IPO5: variants seen among roughly 807,000 people sequenced by gnomAD.
IPO5 encodes the protein importin 5, also known as importin-5.
IPO5 carries 18 observed loss-of-function variants against 143.3 expected under a neutral mutation model. That is an observed-to-expected ratio of 0.13 (90% CI 0.09 to 0.19). The LOEUF (loss-of-function observed/expected upper bound fraction) is 0.19, where lower values mean the gene tolerates loss of function less well. Among genes scored for constraint, IPO5 ranks in the 10% least tolerant of loss-of-function variants. The pLI is 1.00. For missense variants in IPO5, 1,013 were observed against 1,336.9 expected (o/e 0.76, Z 3.78); for synonymous variants, 477 against 465.7 (o/e 1.02, Z -0.31).
Position 98,012,809 on chromosome 13 carries a change from T to TTTTTTTTTTTTTG in IPO5, c.2152+479_2152+480insGTTTTTTTTTTTT, listed in dbSNP as rs1555311429. On this transcript the variant is annotated intron_variant, in intron 21 of 28. Coordinates refer to ENST00000651721, the MANE Select transcript of IPO5 (RefSeq NM_002271.6). Reference sequence around the variant, plus strand: ...AAGCCCAGCTAGATTTGATTTTTTTTTTTTTTTTTTTTTTTTTTAAGAGAT... The same window carrying TTTTTTTTTTTTTG: ...AAGCCCAGCTAGATTTGATTTTTTTTTTTTTTTTTTTTGTTTTTTTTTTTTTTTTTTAAGAGAT... Among the ~76,000 whole-genome samples the TTTTTTTTTTTTTG allele has an allele frequency of 6.5e-4, 96 of 146,676 alleles. 2 individuals are homozygous for TTTTTTTTTTTTTG. In the East Asian group the frequency reaches 0.014, roughly 21 times the overall value.
chr13:98,001,402 C>T (rs1261217940), intron 13 of IPO5, among the ~76,000 whole-genome samples: 2 of 152,054 alleles, frequency 1.3e-5, no homozygotes, highest in Admixed American at 6.6e-5. Flanking sequence ...CTCAGCTCAC[C>T]GCAGCCTCCA....
intron 11 of IPO5, 109 bp from the exon 12 acceptor site, chr13:97,997,411 ATAATTGTTTTG>A: frequency 2.1e-6 from 1 of 477,998 alleles, no homozygotes; most frequent in Non-Finnish European, 3.7e-6. Flanking sequence ...GCACAGACAA[ATAATTGTTTTG>A]TCTTGTTCTC....
At chr13:97,961,526 A>G (rs981524346) in intron 2 of IPO5, among the ~76,000 whole-genome samples, 11 of 152,192 alleles carry the variant, frequency 7.2e-5, no homozygotes, top group African/African-American at 2.7e-4. Flanking sequence ...ATTGGCTGTA[A>G]CATTTTATGT....
intron 11 of IPO5, among the ~76,000 whole-genome samples, chr13:97,995,592 A>G (rs1888208779): frequency 1.3e-5 from 2 of 151,598 alleles, no homozygotes; most frequent in South Asian, 4.2e-4. Flanking sequence ...CGTCCCTACT[A>G]AAAAATGCAA....
intron 9 of IPO5, among the ~76,000 whole-genome samples, chr13:97,991,034 T>G (rs143121870): frequency 3.5e-4 from 54 of 152,274 alleles, no homozygotes; most frequent in African/African-American, 1.1e-3. Flanking sequence ...TCAGGGCAAC[T>G]TGAATCTATG....
At chr13:98,001,948 T>G (rs1391310500) in intron 13 of IPO5, 1 of 150,996 alleles carries the variant, frequency 6.6e-6, no homozygotes, top group African/African-American at 2.4e-5. Flanking sequence ...AGTCACGCAC[T>G]TTTTCTGTTC....
chr13:97,974,923 G>A (rs1184142491), intron 3 of IPO5, among the ~76,000 whole-genome samples: 3 of 152,090 alleles, frequency 2.0e-5, no homozygotes, highest in Non-Finnish European at 4.4e-5. Context: ...AAAAATCTTG[G>A]CTGGCCATCC....
rs774635377 is a variant in IPO5, at chr13:98,022,559, T to C, written c.*737T>C. The C allele has an allele frequency of 6.6e-6, 1 of 152,366 alleles. No individual in the cohort carries two copies. The highest frequency in any genetic ancestry group is 2.4e-5 in the African/African-American group (1 of 41,458). 9.4% of individuals were successfully genotyped at this position (152,366 alleles called of 1,614,324 possible). On this transcript the variant is annotated 3_prime_UTR_variant, in exon 29 of 29. Transcript: ENST00000651721. ...TTTTAATATAAGAATGATCTAATAT[T>C]TTTTTAAAGTAATAGCTATCAGTAA...
intron 5 of IPO5, among the ~76,000 whole-genome samples, chr13:97,983,805 T>A (rs1887067698): frequency 6.6e-6 from 1 of 151,978 alleles, no homozygotes; most frequent in South Asian, 2.1e-4. Flanking sequence ...CAGTTTAGAC[T>A]AGCAACTTCA....
chr13:97,999,542 G>A (rs1387239306), intron 12 of IPO5, among the ~76,000 whole-genome samples: 4 of 152,148 alleles, frequency 2.6e-5, no homozygotes, highest in Non-Finnish European at 5.9e-5. Flanking sequence ...TTTTCAGGGT[G>A]AGATTTTTTT....
At chr13:98,014,314 G>T in intron 22 of IPO5, 100 bp downstream of exon 22, 1 of 853,572 alleles carries the variant, frequency 1.2e-6, no homozygotes, top group Non-Finnish European at 1.8e-6. Flanking sequence ...GTATTGCTCT[G>T]TCACCCAGGC....
chr13:98,010,642 A>G (rs1007232615), intron 20 of IPO5, among the ~76,000 whole-genome samples: 6 of 152,124 alleles, frequency 3.9e-5, no homozygotes, highest in African/African-American at 1.4e-4. Context: ...TCAATTGTGT[A>G]AAAAAACAGA....
chr13:97,954,546 C>G (rs1884335740), intron 2 of IPO5, among the ~76,000 whole-genome samples: 1 of 152,092 alleles, frequency 6.6e-6, no homozygotes, highest in Non-Finnish European at 1.5e-5. Flanking sequence ...TCTTAGTTTT[C>G]AGAGATCACT....
chr13:98,005,656 A>C (rs982381329), intron 16 of IPO5, among the ~76,000 whole-genome samples: 14 of 152,186 alleles, frequency 9.2e-5, no homozygotes, highest in African/African-American at 3.1e-4. Flanking sequence ...ATGCAAGAGA[A>C]GGCAGCAGGG....
At position 98,024,251 on chromosome 13, in the gene IPO5, A is replaced by G. The variant is rs1890648494; in HGVS notation, c.*2429A>G. ...CTTATAACTCTGGAGTTGTAGTTTG[A>G]CAGAACCATCAGTAAAGACATAAGC... On this transcript the variant is annotated 3_prime_UTR_variant, in exon 29 of 29. Coordinates refer to ENST00000651721, the MANE Select transcript of IPO5 (RefSeq NM_002271.6). 1 of 152,202 alleles carries G rather than the reference A, an allele frequency of 6.6e-6. No homozygotes were observed. The highest frequency in any genetic ancestry group is 1.5e-5 in the Non-Finnish European group (1 of 68,032). 9.4% of individuals were successfully genotyped at this position (152,202 alleles called of 1,614,324 possible).
chr13:98,015,922 C>G (rs1478863164), intron 24 of IPO5, 141 bp downstream of exon 24: 3 of 589,164 alleles, frequency 5.1e-6, no homozygotes, highest in Non-Finnish European at 9.0e-6. Context: ...TATTTCCTCT[C>G]TTAATTTATG....
intron 13 of IPO5, chr13:98,000,908 T>C (rs1400177895): frequency 2.3e-6 from 1 of 444,382 alleles, no homozygotes; most frequent in Non-Finnish European, 4.0e-6. Context: ...TTGAATCATA[T>C]ACTCTTCTTT....
In IPO5 at chr13:98,008,112, C is replaced by A; in HGVS notation, c.1770C>A (p.Asp590Glu). 6.2e-7 allele frequency: 1 copy of A among 1,610,902 alleles called. No homozygotes were observed. Among genetic ancestry groups the A allele is most frequent in the Non-Finnish European group, 8.5e-7 (1 of 1,177,108 alleles). Reference sequence around the variant, plus strand: ...AGCTTTTGTTAAAGACCCAGACAGACTTCAATGATATGGAAGATGATGATC... The same window carrying A: ...AGCTTTTGTTAAAGACCCAGACAGAATTCAATGATATGGAAGATGATGATC... Reference protein sequence around the residue: ...VMQLLLKTQTDFNDMEDDDPQ... With the variant: ...VMQLLLKTQTEFNDMEDDDPQ... Residue 590 changes from aspartate to glutamate, a missense_variant, in exon 18 of 29, where the codon GAC becomes GAA. Asp to Glu is a conservative substitution (Grantham distance 45). This residue lies in a region of IPO5 where 685 missense variants were observed against 994.9 expected (regional missense o/e 0.69). Coordinates refer to ENST00000651721, the MANE Select transcript of IPO5 (RefSeq NM_002271.6).
intron 4 of IPO5, chr13:97,981,167 T>C: frequency 2.3e-6 from 1 of 431,718 alleles, no homozygotes; most frequent in Non-Finnish European, 4.6e-6. Context: ...CCTATGTGCT[T>C]TTTACTAGAA....
Sources: allele counts gnomAD v4.1 joint callset (sites outside exome capture counted in the v4.1 genomes callset), GRCh38; gene constraint gnomAD v4.1.1; regional missense constraint gnomAD v4.1.1; transcripts MANE v1.5; gene names NCBI Gene and HGNC (gene_info 2026-07-23, HGNC 2026-07-21).